AFF2: variants seen among roughly 807,000 people sequenced by gnomAD.
AFF2 encodes ALF transcription elongation factor 2.
Under a neutral mutation model 76.9 loss-of-function variants are expected in AFF2, and 14 were observed. The ratio of observed to expected loss-of-function variants is 0.18; its 90% confidence interval spans 0.12 to 0.28. The LOEUF (loss-of-function observed/expected upper bound fraction) is 0.28. Ranked by LOEUF, AFF2 falls within the 10% of genes least tolerant of loss-of-function variation. AFF2 has a pLI of 1.00. For missense variants in AFF2, 868 were observed against 1,001.1 expected (o/e 0.87, Z 1.79); for synonymous variants, 398 against 366.7 (o/e 1.09, Z -0.98).
intron 1 of AFF2, among the ~76,000 whole-genome samples, chrX:148,545,340 C>A (rs782705896): frequency 8.9e-6 from 1 of 111,817 alleles, no homozygotes; most frequent in Non-Finnish European, 1.9e-5. Context: ...CTTTGCTGTG[C>A]TTTTTGTTTA....
chrX:148,549,814 C>CA (rs1418118761), intron 1 of AFF2, among the ~76,000 whole-genome samples: 2 of 111,906 alleles, frequency 1.8e-5, no homozygotes, highest in Non-Finnish European at 3.8e-5. Flanking sequence ...TTCTGGAACT[C>CA]ACAGTTGTGA....
chrX:148,607,368 A>T (rs2053682154), intron 1 of AFF2, among the ~76,000 whole-genome samples: 1 of 111,020 alleles, frequency 9.0e-6, no homozygotes. Flanking sequence ...ATTTAATCAT[A>T]GGGGTGAGTT....
Position 148,997,825 on chromosome X carries a change from A to AC in AFF2, c.*6495dup, listed in dbSNP as rs1291837607. The AC allele has an allele frequency of 8.9e-6, 1 of 112,206 alleles. No individual in the cohort carries two copies. The highest frequency in any genetic ancestry group is 3.2e-5 in the African/African-American group (1 of 30,880). 9.2% of individuals were successfully genotyped at this position (112,206 alleles called of 1,213,427 possible). On this transcript the variant is annotated 3_prime_UTR_variant, in exon 21 of 21. Transcript: ENST00000370460. Reference sequence around the variant, plus strand: ...CATCCAGTGCATCCCCTAATTCAAAACCATCCTCACTAATCAATCATATTC... The same window carrying AC: ...CATCCAGTGCATCCCCTAATTCAAAACCCATCCTCACTAATCAATCATATTC...
At chrX:148,834,182 T>C (rs2070491142) in intron 4 of AFF2, among the ~76,000 whole-genome samples, 1 of 112,678 alleles carries the variant, frequency 8.9e-6, no homozygotes. Context: ...CTATCACTTA[T>C]GAAATCCATT....
chrX:148,732,151 A>G (rs1302339795), intron 3 of AFF2, among the ~76,000 whole-genome samples: 2 of 85,369 alleles, frequency 2.3e-5, no homozygotes, highest in Non-Finnish European at 4.2e-5. Context: ...ATTATTCACA[A>G]TAGCAAAGAC....
intron 1 of AFF2, among the ~76,000 whole-genome samples, chrX:148,512,178 TA>T (rs782353357): frequency 8.9e-6 from 1 of 111,820 alleles, no homozygotes; most frequent in Non-Finnish European, 1.9e-5. Flanking sequence ...TGGACCTTTT[TA>T]AAAAAAATAA....
intron 1 of AFF2, among the ~76,000 whole-genome samples, chrX:148,516,327 G>A (rs1218594594): frequency 9.0e-6 from 1 of 111,466 alleles, no homozygotes; most frequent in Non-Finnish European, 1.9e-5. Flanking sequence ...GGGAACATGG[G>A]CTGAGAAGCA....
intron 1 of AFF2, among the ~76,000 whole-genome samples, chrX:148,562,588 G>A (rs2053125986): frequency 8.9e-6 from 1 of 111,937 alleles, no homozygotes; most frequent in Non-Finnish European, 1.9e-5. Context: ...GCTTCCCCAA[G>A]CCCTCTGGAA....
chrX:148,600,659 A>G (rs1184845027), intron 1 of AFF2, among the ~76,000 whole-genome samples: 1 of 111,156 alleles, frequency 9.0e-6, no homozygotes, highest in African/African-American at 3.3e-5. Flanking sequence ...AGGTGTAGGA[A>G]GTGTTTGTTG....
At chrX:148,791,774 T>A (rs2069898450) in intron 3 of AFF2, among the ~76,000 whole-genome samples, 1 of 111,476 alleles carries the variant, frequency 9.0e-6, no homozygotes, top group South Asian at 3.7e-4. Flanking sequence ...TTGGCCATAG[T>A]GGTTATGAAT....
At chrX:148,931,253 C>A (rs868965744) in intron 9 of AFF2, among the ~76,000 whole-genome samples, 123 of 43,630 alleles carry the variant, frequency 2.8e-3, no homozygotes, top group African/African-American at 6.7e-3. Flanking sequence ...GACTCTGTCT[C>A]AAAAAAAAAA....
intron 2 of AFF2, among the ~76,000 whole-genome samples, chrX:148,656,856 C>T (rs1246975966): frequency 2.7e-5 from 3 of 111,410 alleles, no homozygotes; most frequent in Non-Finnish European, 5.7e-5. Context: ...TATCCTTATA[C>T]ATGGCGAATT....
chrX:148,546,822 T>C (rs2052925818), intron 1 of AFF2: 1 of 111,930 alleles, frequency 8.9e-6, no homozygotes, highest in Admixed American at 9.5e-5. Flanking sequence ...GTTTTTGTAG[T>C]ATTGGGTTTA....
intron 7 of AFF2, among the ~76,000 whole-genome samples, chrX:148,846,718 A>G (rs2070672061): frequency 9.0e-6 from 1 of 110,967 alleles, no homozygotes; most frequent in African/African-American, 3.3e-5. Context: ...TGTCCCAAAA[A>G]AGAGGGTGAA....
At chrX:148,613,474 T>C (rs1461373989) in intron 1 of AFF2, among the ~76,000 whole-genome samples, 1 of 111,862 alleles carries the variant, frequency 8.9e-6, no homozygotes, top group East Asian at 2.8e-4. Context: ...CTAAGCCCTT[T>C]ACAATAGAAA....
At chrX:148,719,119 G>T (rs1245381555) in intron 3 of AFF2, 21 of 1,125,781 alleles carry the variant, frequency 1.9e-5, no homozygotes, top group Middle Eastern at 2.4e-4. Context: ...CCAGAGGAAG[G>T]TTGCAGTGGC....
intron 3 of AFF2, among the ~76,000 whole-genome samples, chrX:148,805,089 G>C (rs2070110887): frequency 9.0e-6 from 1 of 111,520 alleles, no homozygotes; most frequent in Non-Finnish European, 1.9e-5. Flanking sequence ...TATTTTATTA[G>C]TAATTCTGCA....
At chrX:148,771,024 A>C (rs2069580342) in intron 3 of AFF2, among the ~76,000 whole-genome samples, 1 of 111,815 alleles carries the variant, frequency 8.9e-6, no homozygotes, top group South Asian at 3.7e-4. Flanking sequence ...CAGGATCTGG[A>C]ATTTTTGTAC....
rs1324328777 is a variant in AFF2 at position 148,608,898 on chromosome X, C to A, written c.48-43101C>A. Reference sequence around the variant, plus strand: ...AAGTCCTTGAGCCAAATCCTGCCTTCAATGTGCACTTAAGTTTCCATTAAA... The same window carrying A: ...AAGTCCTTGAGCCAAATCCTGCCTTAAATGTGCACTTAAGTTTCCATTAAA... On this transcript the variant is annotated intron_variant, in intron 1 of 20. Coordinates refer to ENST00000370460, the MANE Select transcript of AFF2 (RefSeq NM_002025.4). 8.1e-5 allele frequency among the ~76,000 whole-genome samples: 9 copies of A among 111,725 alleles called. No homozygotes were observed. The Admixed American group carries it at 8.5e-4, about 11-fold the overall frequency.
Sources: allele counts gnomAD v4.1 joint callset (sites outside exome capture counted in the v4.1 genomes callset), GRCh38; gene constraint gnomAD v4.1.1; transcripts MANE v1.5; gene names NCBI Gene and HGNC (gene_info 2026-07-23, HGNC 2026-07-21).